FLNA: variants seen among roughly 807,000 people sequenced by gnomAD.
FLNA encodes filamin-A.
FLNA carries 7 observed loss-of-function variants against 157.6 expected under a neutral mutation model. The ratio of observed to expected loss-of-function variants is 0.04; its 90% confidence interval spans 0.03 to 0.08. FLNA has a LOEUF of 0.08. Among genes scored for constraint, FLNA ranks in the 10% least tolerant of loss-of-function variants. FLNA has a pLI of 1.00. For synonymous variants in FLNA, 1,103 were observed against 1,060.8 expected (o/e 1.04, Z -0.77); for missense variants, 1,750 against 2,398.4 (o/e 0.73, Z 5.65).
chrX:154,357,650 T>C (rs781988875), intron 28 of FLNA, 27 bp from the exon 29 acceptor site: 42 of 1,195,722 alleles, frequency 3.5e-5, no homozygotes, highest in Non-Finnish European at 4.5e-5. Flanking sequence ...GGGGAGGCAG[T>C]TGGCCCAAGC....
At position 154,351,944 on chromosome X, in the gene FLNA, T is replaced by G. The variant is rs373037983; in HGVS notation, c.6847A>C (p.Ile2283Leu). Residue 2283 changes from isoleucine to leucine, a missense_variant, in exon 42 of 48, where the codon ATC becomes CTC. Physicochemically the swap from Ile to Leu is conservative, Grantham distance 5. This residue lies in a region of FLNA where 970 missense variants were observed against 1,302.6 expected (regional missense o/e 0.74). Coordinates refer to ENST00000369850, the MANE Select transcript of FLNA (RefSeq NM_001110556.2). ...IAVEGPSKAEISFEDRKDGSC... is the reference protein window; with the variant it reads ...IAVEGPSKAELSFEDRKDGSC... ...CCGTCCTTGCGGTCCTCAAAAGAGA[T>G]CTCAGCCTTGCTGGGGCCCTCGACA... 2.4e-5 allele frequency: 29 copies of G among 1,210,266 alleles called. No homozygotes were observed. The African/African-American group carries it at 4.2e-4, about 17-fold the overall frequency.
At chrX:154,373,836 G>C (rs781844500) in intron 1 of FLNA, among the ~76,000 whole-genome samples, 1 of 113,407 alleles carries the variant, frequency 8.8e-6, no homozygotes, top group East Asian at 2.8e-4. Context: ...AAATGGGTCT[G>C]CCAGTGGATT....
At chrX:154,370,743 G>A (rs1408060778) in intron 2 of FLNA, 130 bp downstream of exon 2, 39 of 736,169 alleles carry the variant, frequency 5.3e-5, no homozygotes, top group Non-Finnish European at 4.3e-5. Context: ...GCGTGGAGCA[G>A]AGCAGCCGGA....
At chrX:154,356,079 C>T (rs1339585473) in intron 30 of FLNA, among the ~76,000 whole-genome samples, 3 of 112,511 alleles carry the variant, frequency 2.7e-5, no homozygotes, top group Non-Finnish European at 5.6e-5. Flanking sequence ...GCCGGCTGCC[C>T]ACGCTGCCCT....
intron 28 of FLNA, among the ~76,000 whole-genome samples, 163 bp downstream of exon 28, chrX:154,358,036 C>A (rs2067676108): frequency 8.9e-6 from 1 of 112,495 alleles, no homozygotes; most frequent in Non-Finnish European, 1.9e-5. Context: ...CCTGTCACCA[C>A]CATCCTAAGG....
In FLNA at chrX:154,352,164, G is replaced by C. The variant is rs782290764; in HGVS notation, c.6769+17C>G. Reference sequence around the variant, plus strand: ...CCAACGCAGGAGAGCGAGCACTCGGGGTGTGAGCAGGCCTACCTGGCACTC... The same window carrying C: ...CCAACGCAGGAGAGCGAGCACTCGGCGTGTGAGCAGGCCTACCTGGCACTC... On this transcript the variant is annotated intron_variant, in intron 41 of 47. Coordinates refer to ENST00000369850, the MANE Select transcript of FLNA (RefSeq NM_001110556.2). The C allele has an allele frequency of 8.3e-7, 1 of 1,209,980 alleles. No homozygotes were observed. Among genetic ancestry groups the C allele is most frequent in the Non-Finnish European group, 1.1e-6 (1 of 894,895 alleles).
In FLNA at chrX:154,362,021, G is replaced by A. The variant is rs1557178137; in HGVS notation, c.2784C>T (p.His928=). ...DAVRDVDIID[H]HDNTYTVKYT... ...ACTTGACTGTGTAGGTGTTGTCATG[G>A]TGGTCGATGATGTCCACATCTCGCA... The change falls in exon 19 of 48, where the codon CAC becomes CAT. Residue 928 remains histidine, a synonymous_variant. Transcript: ENST00000369850. 8.3e-7 allele frequency: 1 copy of A among 1,211,060 alleles called. No homozygotes were observed. Among genetic ancestry groups the A allele is most frequent in the Non-Finnish European group, 1.1e-6 (1 of 895,069 alleles).
intron 46 of FLNA, 21 bp from the exon 47 acceptor site, chrX:154,349,586 G>C (rs1357531423): frequency 1.7e-6 from 2 of 1,209,704 alleles, no homozygotes; most frequent in African/African-American, 3.5e-5. Flanking sequence ...GAGTGGGTGG[G>C]GCTAAGAGGT....
At chrX:154,361,246 C>T in intron 21 of FLNA, 62 bp downstream of exon 21, 1 of 1,121,675 alleles carries the variant, frequency 8.9e-7, no homozygotes, top group Non-Finnish European at 1.2e-6. Flanking sequence ...AGATGGGGTA[C>T]CTTTGGGGCC....
chrX:154,370,330 G>T (rs1311910463), intron 2 of FLNA, among the ~76,000 whole-genome samples: 4 of 110,846 alleles, frequency 3.6e-5, no homozygotes, highest in Admixed American at 9.4e-5. Flanking sequence ...GTGTGTGTGT[G>T]GGGGGGTAGA....
chrX:154,364,065 A>G lies in FLNA; in HGVS notation c.2237T>C (p.Met746Thr). Residue 746 changes from methionine to threonine, a missense_variant, in exon 15 of 48, where the codon ATG (methionine) becomes ACG (threonine). Around this residue, in one of 5 missense-constraint regions of FLNA, gnomAD observed 648 missense variants for 805.8 expected, o/e 0.80. Coordinates refer to ENST00000369850, the MANE Select transcript of FLNA (RefSeq NM_001110556.2). The stretch of plus-strand genomic sequence containing the variant: ...GATGCTGACGCCTCCCCAGGACACC[A>G]TGGCTGTGTGCTTCACCGGCTTCCT... ...VPRKPVKHTA[M>T]VSWGGVSIPN... is the part of the protein sequence containing the mutation. 1 of 1,211,256 alleles carries G rather than the reference A, an allele frequency of 8.3e-7. No homozygotes were observed.
chrX:154,371,925 G>A (rs1471158318), intron 1 of FLNA, among the ~76,000 whole-genome samples: 1 of 113,689 alleles, frequency 8.8e-6, no homozygotes. Context: ...AGGCACTGCC[G>A]AGGGCGCTTT....
chrX:154,359,642 C>T lies in FLNA; in HGVS notation c.3984G>A (p.Leu1328=). The change falls in exon 24 of 48, where the codon CTG becomes CTA. Residue 1328 remains leucine, a synonymous_variant. Coordinates refer to ENST00000369850, the MANE Select transcript of FLNA (RefSeq NM_001110556.2). ...KVEYTPYEEG[L]HSVDVTYDGS... is the part of the protein sequence containing the mutation. ...CGTCATAGGTCACGTCCACGGAGTGCAGTCCTGGAGGAGTGCAGGCCAGGT... is the reference window on the plus strand; with the variant it reads ...CGTCATAGGTCACGTCCACGGAGTGTAGTCCTGGAGGAGTGCAGGCCAGGT... The T allele has an allele frequency of 8.3e-7, 1 of 1,211,069 alleles. No individual in the cohort carries two copies. The highest frequency in any genetic ancestry group is 1.1e-6 in the Non-Finnish European group (1 of 895,430).
intron 2 of FLNA, among the ~76,000 whole-genome samples, chrX:154,369,244 C>G (rs2067785593): frequency 1.8e-5 from 2 of 112,303 alleles, no homozygotes. Context: ...CTGCCTTTCA[C>G]TCTCCCCAAA....
Position 154,360,345 on chromosome X carries a change from G to C in FLNA, c.3450C>G (p.Phe1150Leu), listed in dbSNP as rs782586514. The change falls in exon 22 of 48, where the codon TTC (phenylalanine) becomes TTG (leucine). Residue 1150 changes from phenylalanine to leucine, a missense_variant. Physicochemically the swap from Phe to Leu is conservative, Grantham distance 22. Around this residue, in one of 5 missense-constraint regions of FLNA, gnomAD observed 648 missense variants for 805.8 expected, o/e 0.80. Transcript: ENST00000369850. Reference sequence around the variant, plus strand: ...CAAAGCAGGGAACCACGTGGGCCTTGAATGGGGAGCCAGGGATGTGGGTGT... The same window carrying C: ...CAAAGCAGGGAACCACGTGGGCCTTCAATGGGGAGCCAGGGATGTGGGTGT... The part of the protein sequence containing the change: ...FADTHIPGSP[F>L]KAHVVPCFDA... 8.3e-7 allele frequency: 1 copy of C among 1,211,770 alleles called. No homozygotes were observed. Among genetic ancestry groups the C allele is most frequent in the Non-Finnish European group, 1.1e-6 (1 of 895,622 alleles).
chrX:154,362,697 T>C lies in FLNA; in HGVS notation c.2368A>G (p.Thr790Ala). The C allele has an allele frequency of 8.3e-7, 1 of 1,210,448 alleles. No individual in the cohort carries two copies. The highest frequency in any genetic ancestry group is 1.1e-6 in the Non-Finnish European group (1 of 895,136). ...TCGGCGCAGTCCACAGTGAAGTAGG[T>C]GGGCTCGTGGGCCTTGAGCCCTGTC... ...AKTGLKAHEP[T>A]YFTVDCAEAG... Residue 790 changes from threonine to alanine, a missense_variant, in exon 16 of 48, where the codon ACC becomes GCC. Around this residue, in one of 5 missense-constraint regions of FLNA, gnomAD observed 648 missense variants for 805.8 expected, o/e 0.80. Coordinates refer to ENST00000369850, the MANE Select transcript of FLNA (RefSeq NM_001110556.2).
At chrX:154,362,379 C>A in intron 17 of FLNA, 39 bp downstream of exon 17, 1 of 1,208,014 alleles carries the variant, frequency 8.3e-7, no homozygotes, top group Non-Finnish European at 1.1e-6. Flanking sequence ...CAGACGTCAT[C>A]CGCAATGACA....
intron 39 of FLNA, 28 bp downstream of exon 39, chrX:154,352,744 G>C: frequency 8.3e-7 from 1 of 1,211,894 alleles, no homozygotes. Context: ...TGTAGTGAGG[G>C]GGGCTGCCGA....
chrX:154,349,795 G>A lies in FLNA; in HGVS notation c.7406C>T (p.Pro2469Leu), dbSNP rs1557175381. The stretch of plus-strand genomic sequence containing the variant: ...CTGGCAATCCATCTTCACCTTGGAG[G>A]GGCCGTCAATGGTCACCGACAGGGC... Reference protein sequence around the residue: ...AGALSVTIDGPSKVKMDCQEC... With the variant: ...AGALSVTIDGLSKVKMDCQEC... Residue 2469 changes from proline to leucine, a missense_variant, in exon 46 of 48, where the codon CCC (proline) becomes CTC (leucine). By Grantham distance (98) the Pro-to-Leu change is moderately conservative. Coordinates refer to ENST00000369850, the MANE Select transcript of FLNA (RefSeq NM_001110556.2). 8.3e-7 allele frequency: 1 copy of A among 1,211,554 alleles called. No homozygotes were observed. The highest frequency in any genetic ancestry group is 1.1e-6 in the Non-Finnish European group (1 of 895,379).
Sources: gnomAD v4.1 joint callset for allele counts (sites outside exome capture counted in the v4.1 genomes callset) on GRCh38, gnomAD v4.1.1 for gene constraint, gnomAD v4.1.1 regional missense constraint, MANE v1.5 for transcripts, NCBI Gene and HGNC (gene_info 2026-07-23, HGNC 2026-07-21) for gene names.